Variants in KCNU1 observed in about 807,000 individuals in gnomAD.
The protein encoded by KCNU1 is potassium channel subfamily U member 1.
KCNU1 carries 93 observed loss-of-function variants against 126.8 expected under a neutral mutation model. The observed-to-expected ratio is 0.73, with a 90% CI of 0.62 to 0.87. KCNU1 has a LOEUF of 0.87. Among genes scored for constraint, KCNU1 ranks in the 40% least tolerant of loss-of-function variants. The probability of loss-of-function intolerance (pLI) is 0.00; values close to 1 mark genes in which losing one functional copy is unlikely to be tolerated. For synonymous variants in KCNU1, 523 were observed against 494.2 expected (o/e 1.06, Z -0.77); for missense variants, 1,330 against 1,367.1 (o/e 0.97, Z 0.43).
chr8:36,910,860 C>A, intron 21 of KCNU1, 70 bp from the exon 22 acceptor site: 2 of 1,109,152 alleles, frequency 1.8e-6, no homozygotes, highest in Non-Finnish European at 2.6e-6. Flanking sequence ...CACAAAGAGC[C>A]ACCACCATGA....
At chr8:36,830,706 GTGTT>G (rs1804505421) in intron 10 of KCNU1, among the ~76,000 whole-genome samples, 2 of 151,188 alleles carry the variant, frequency 1.3e-5, no homozygotes. Flanking sequence ...GTGTAGGTTT[GTGTT>G]TGTGTGTGTG....
chr8:36,901,723 G>C (rs574390270), intron 19 of KCNU1, among the ~76,000 whole-genome samples: 1 of 152,020 alleles, frequency 6.6e-6, no homozygotes, highest in East Asian at 1.9e-4. Context: ...AATACAACAC[G>C]CTGTTGCTTG....
At chr8:36,888,069 G>A (rs1306157237) in intron 19 of KCNU1, among the ~76,000 whole-genome samples, 2 of 151,984 alleles carry the variant, frequency 1.3e-5, no homozygotes, top group Admixed American at 1.3e-4. Flanking sequence ...AGTTGGTCGG[G>A]GAAAGGGGGA....
chr8:36,833,402 C>T (rs1021591222), intron 10 of KCNU1, among the ~76,000 whole-genome samples, 152 bp from the exon 11 acceptor site: 14 of 152,038 alleles, frequency 9.2e-5, no homozygotes, highest in African/African-American at 3.4e-4. Context: ...TTAGTAATTA[C>T]ATTTTTTAAA....
In KCNU1 at chr8:36,787,316, C is replaced by T. The variant is rs773764206; in HGVS notation, c.206C>T (p.Thr69Ile). Residue 69 changes from threonine to isoleucine, a missense_variant, in exon 2 of 27, where the codon ACA (threonine) becomes ATA (isoleucine). Thr to Ile is a moderately conservative substitution (Grantham distance 89). Coordinates refer to ENST00000399881, the MANE Select transcript of KCNU1 (RefSeq NM_001031836.3). Reference protein sequence around the residue: ...KGTGIILELFTSGTIARSHVR... With the variant: ...KGTGIILELFISGTIARSHVR... ...TTCTCTTGATTGTAGGAACTGTTCA[C>T]ATCAGGTACCATCGCTAGGAGCCAT... 3.7e-6 allele frequency: 6 copies of T among 1,610,242 alleles called. No individual in the cohort carries two copies. The highest frequency in any genetic ancestry group is 1.7e-5 in the Admixed American group (1 of 59,590).
At chr8:36,870,347 A>G (rs925276054) in intron 19 of KCNU1, among the ~76,000 whole-genome samples, 2 of 152,118 alleles carry the variant, frequency 1.3e-5, no homozygotes, top group Admixed American at 6.5e-5. Context: ...CTCCTGAGAC[A>G]CCTGTCCCTA....
At position 36,864,649 on chromosome 8, in the gene KCNU1, A is replaced by G. The variant is rs562691675; in HGVS notation, c.2009+128A>G. 16 of 632,984 alleles carry G rather than the reference A, an allele frequency of 2.5e-5. No individual in the cohort carries two copies. The Admixed American group carries it at 3.9e-4, about 16-fold the overall frequency. 39.2% of individuals were successfully genotyped at this position (632,984 alleles called of 1,614,324 possible). On this transcript the variant is annotated intron_variant, in intron 19 of 26. Transcript: ENST00000399881. ...CTGACCAATGGAATTGTTCCTCCCC[A>G]AAATGAGATCATCTCCACCTTGCCC...
At chr8:36,840,392 T>C in intron 14 of KCNU1, 71 bp from the exon 15 acceptor site, 1 of 733,584 alleles carries the variant, frequency 1.4e-6, no homozygotes, top group South Asian at 1.6e-5. Context: ...CTTAGCAGAA[T>C]ATGCAATGTG....
intron 3 of KCNU1, among the ~76,000 whole-genome samples, chr8:36,804,346 T>A (rs1803421865): frequency 6.6e-6 from 1 of 152,170 alleles, no homozygotes; most frequent in Admixed American, 6.5e-5. Context: ...CACCCGAGAT[T>A]TACTCTGGAG....
intron 24 of KCNU1, chr8:36,928,839 G>A (rs1808609889): frequency 1.7e-6 from 1 of 573,622 alleles, no homozygotes; most frequent in Non-Finnish European, 3.1e-6. Flanking sequence ...AGGACAACCA[G>A]TGTCAGAACC....
At chr8:36,826,521 A>C (rs1332045835) in intron 10 of KCNU1, among the ~76,000 whole-genome samples, 2 of 151,908 alleles carry the variant, frequency 1.3e-5, no homozygotes, top group Admixed American at 1.3e-4. Context: ...TATGAACTGA[A>C]TTTCTTACCC....
chr8:36,809,721 A>G (rs1419034093), intron 7 of KCNU1, among the ~76,000 whole-genome samples: 1 of 152,172 alleles, frequency 6.6e-6, no homozygotes, highest in African/African-American at 2.4e-5. Context: ...ATAAGCAGAC[A>G]TTAGTGTCCC....
At chr8:36,843,539 C>T (rs748191764) in intron 16 of KCNU1, among the ~76,000 whole-genome samples, 36 of 152,238 alleles carry the variant, frequency 2.4e-4, no homozygotes, top group Middle Eastern at 3.4e-3. Context: ...TAATGATTTT[C>T]CCAACCTCAC....
At chr8:36,795,862 CAG>C (rs1803077881) in intron 2 of KCNU1, 1 of 152,190 alleles carries the variant, frequency 6.6e-6, no homozygotes, top group Admixed American at 6.6e-5. Context: ...TATTCAGGAC[CAG>C]AGTTTCATCA....
At position 36,854,795 on chromosome 8, in the gene KCNU1, CTT is replaced by C. The variant is rs552069083; in HGVS notation, c.1891+8897_1891+8898del. On this transcript the variant is annotated intron_variant, in intron 18 of 26. Transcript: ENST00000399881. ...TTATCTTGCTTGTTTCTTTCCAAGT[CTT>C]ATAACTTTTTGTTGAAAATTAGACA... Among the ~76,000 whole-genome samples the C allele has an allele frequency of 2.4e-4, 36 of 152,166 alleles. No homozygotes were observed. The South Asian group carries it at 7.3e-3, about 31-fold the overall frequency.
At chr8:36,882,604 G>C (rs932951327) in intron 19 of KCNU1, among the ~76,000 whole-genome samples, 2 of 151,586 alleles carry the variant, frequency 1.3e-5, no homozygotes, top group African/African-American at 2.4e-5. Context: ...TTTTTTTGAG[G>C]TGGAGTTTTG....
At chr8:36,904,169 C>T (rs1262610386) in intron 19 of KCNU1, among the ~76,000 whole-genome samples, 1 of 152,138 alleles carries the variant, frequency 6.6e-6, no homozygotes, top group Non-Finnish European at 1.5e-5. Flanking sequence ...ATGAGATGGA[C>T]TTATGCCCTG....
intron 7 of KCNU1, among the ~76,000 whole-genome samples, chr8:36,809,771 A>G (rs1018897767): frequency 6.6e-6 from 1 of 152,208 alleles, no homozygotes; most frequent in African/African-American, 2.4e-5. Flanking sequence ...CTAAAGGAAA[A>G]GTCATTAGGA....
chr8:36,887,934 T>C (rs1048017340), intron 19 of KCNU1, among the ~76,000 whole-genome samples: 1 of 152,156 alleles, frequency 6.6e-6, no homozygotes. Flanking sequence ...AGTCAGTAGT[T>C]ATGTTGAAAC....
Sources: gnomAD v4.1 joint callset for allele counts (sites outside exome capture counted in the v4.1 genomes callset) on GRCh38, gnomAD v4.1.1 for gene constraint, MANE v1.5 for transcripts, NCBI Gene and HGNC (gene_info 2026-07-23, HGNC 2026-07-21) for gene names.